CABIN1: variants seen among roughly 807,000 people sequenced by gnomAD.
CABIN1 encodes the protein calcineurin-binding protein cabin-1.
In CABIN1, 133 loss-of-function variants were observed where a neutral mutation model predicts 227.7. That is an observed-to-expected ratio of 0.58 (90% confidence interval 0.51 to 0.67). The LOEUF (loss-of-function observed/expected upper bound fraction) is 0.67. Ranked by LOEUF, CABIN1 falls within the 30% of genes least tolerant of loss-of-function variation. The pLI is 0.00. For synonymous variants in CABIN1, 1,086 were observed against 1,155.1 expected, an observed-to-expected ratio of 0.94 and a Z score of 1.21; for missense variants, 2,408 against 2,852.5, an observed-to-expected ratio of 0.84 and a Z score of 3.55.
chr22:24,063,726 T>A (rs1011685568), intron 14 of CABIN1, among the ~76,000 whole-genome samples: 1 of 152,146 alleles, frequency 6.6e-6, no homozygotes, highest in Non-Finnish European at 1.5e-5. Flanking sequence ...GTGAAGAACA[T>A]TAGTTCTGGA....
intron 26 of CABIN1, among the ~76,000 whole-genome samples, chr22:24,099,579 T>G (rs566848435): frequency 6.6e-6 from 1 of 152,328 alleles, no homozygotes; most frequent in South Asian, 2.1e-4. Context: ...CCTGTTAAGA[T>G]CCTCTCTCCC....
chr22:24,065,249 C>T (rs1338984414), intron 15 of CABIN1, among the ~76,000 whole-genome samples: 5 of 148,972 alleles, frequency 3.4e-5, no homozygotes, highest in East Asian at 4.1e-4. Context: ...ACTTCTCAGA[C>T]GGGGCGGCTG....
intron 29 of CABIN1, among the ~76,000 whole-genome samples, chr22:24,139,373 G>A (rs766291295): frequency 3.7e-4 from 57 of 152,146 alleles, no homozygotes; most frequent in Non-Finnish European, 5.0e-4. Context: ...TCAGAAGTTC[G>A]AGACCAGCCT....
chr22:24,020,615 C>T (rs941230987), intron 1 of CABIN1, among the ~76,000 whole-genome samples: 15 of 152,214 alleles, frequency 9.9e-5, no homozygotes, highest in South Asian at 4.2e-4. Flanking sequence ...CATGTCTGTC[C>T]GTTAGTATTT....
intron 34 of CABIN1, among the ~76,000 whole-genome samples, chr22:24,174,290 G>T (rs1446118178): frequency 6.6e-6 from 1 of 151,312 alleles, no homozygotes; most frequent in East Asian, 2.0e-4. Flanking sequence ...CACTACGCCT[G>T]GGTAATTTTT....
At chr22:24,065,870 G>A (rs1325181625) in intron 15 of CABIN1, among the ~76,000 whole-genome samples, 4 of 152,224 alleles carry the variant, frequency 2.6e-5, no homozygotes, top group Non-Finnish European at 5.9e-5. Flanking sequence ...CAGGCGTGGC[G>A]GCGCACGCCT....
At chr22:24,048,864 TC>T (rs1444370550) in intron 6 of CABIN1, among the ~76,000 whole-genome samples, 2 of 152,212 alleles carry the variant, frequency 1.3e-5, no homozygotes, top group Non-Finnish European at 2.9e-5. Flanking sequence ...TCCAAAAAGA[TC>T]CTACGGTCTG....
intron 28 of CABIN1, among the ~76,000 whole-genome samples, chr22:24,127,744 G>A (rs2043822014): frequency 6.6e-6 from 1 of 152,050 alleles, no homozygotes; most frequent in Non-Finnish European, 1.5e-5. Context: ...TCCTGCTTCT[G>A]TTCTGATTCT....
chr22:24,110,527 T>A lies in CABIN1; in HGVS notation c.4118-3039T>A, dbSNP rs78454363. 9.3e-3 allele frequency among the ~76,000 whole-genome samples: 1,410 copies of A among 152,366 alleles called. 15 individuals carry two copies. The highest frequency in any genetic ancestry group is 0.014 in the Non-Finnish European group (961 of 68,040). On this transcript the variant is annotated intron_variant, in intron 26 of 36. Transcript: ENST00000263119. ...CCATTTCTTTATGTAGATCCAAGTT[T>A]TATCTGGCTTCATATTCATTCTACC... is the stretch of plus-strand genomic sequence containing the variant.
intron 8 of CABIN1, among the ~76,000 whole-genome samples, chr22:24,051,779 ATCTC>A (rs949090567): frequency 1.3e-5 from 2 of 151,670 alleles, no homozygotes; most frequent in Admixed American, 1.3e-4. Context: ...GGAGAGCAAC[ATCTC>A]TCTCATAGGG....
intron 28 of CABIN1, 58 bp from the exon 29 acceptor site, chr22:24,134,244 C>T (rs1162017271): frequency 7.5e-7 from 1 of 1,341,600 alleles, no homozygotes; most frequent in Non-Finnish European, 1.1e-6. Context: ...CCTGCCTTCC[C>T]TGTGGGCGCC....
chr22:24,025,831 G>A (rs984369274), intron 1 of CABIN1, among the ~76,000 whole-genome samples: 4 of 151,954 alleles, frequency 2.6e-5, no homozygotes, highest in African/African-American at 7.3e-5. Context: ...GTGCCACCAC[G>A]CCCAGCTAAT....
Position 24,166,822 on chromosome 22 carries a change from C to T in CABIN1, c.5191C>T (p.Arg1731Trp), listed in dbSNP as rs146389146. 193 of 1,612,946 alleles carry T rather than the reference C, an allele frequency of 1.2e-4. No homozygotes were observed. Among genetic ancestry groups the T allele is most frequent in the Middle Eastern group, 1.6e-4 (1 of 6,082 alleles). ...PGGKVGLLNH[R>W]PVAMDAGDSA... ...AGGCAAAGTGGGCCTCCTCAACCAC[C>T]GGCCTGTGGCCATGGATGCAGGAGA... The change falls in exon 32 of 37, where the codon CGG (arginine) becomes TGG (tryptophan). Residue 1731 changes from arginine (R) to tryptophan (W), a missense_variant. This residue lies in a region of CABIN1 where 714 missense variants were observed against 773.8 expected (regional missense o/e 0.92). Coordinates refer to ENST00000263119, the MANE Select transcript of CABIN1 (RefSeq NM_012295.4).
chr22:24,108,141 A>G (rs1048061981), intron 26 of CABIN1, among the ~76,000 whole-genome samples: 2 of 152,210 alleles, frequency 1.3e-5, no homozygotes, highest in Admixed American at 1.3e-4. Context: ...TAGGAAGACA[A>G]TGGCAATCGT....
chr22:24,041,206 A>G lies in CABIN1; in HGVS notation c.278A>G (p.Tyr93Cys), dbSNP rs2037343024. ...GGGCTGATACTGAAATATTCCACTT[A>G]TAAGAACTTGGCCCAGCTGGCAGCC... ...HPGLILKYST[Y>C]KNLAQLAAQR... is the part of the protein sequence containing the mutation. Residue 93 changes from tyrosine to cysteine, a missense_variant, in exon 5 of 37, where the codon TAT (tyrosine) becomes TGT (cysteine). By Grantham distance (194) the Tyr-to-Cys change is radical (BLOSUM62 -2). Coordinates refer to ENST00000263119, the MANE Select transcript of CABIN1 (RefSeq NM_012295.4). 6.2e-7 allele frequency: 1 copy of G among 1,614,246 alleles called. No individual in the cohort carries two copies. Among genetic ancestry groups the G allele is most frequent in the Non-Finnish European group, 8.5e-7 (1 of 1,180,044 alleles).
intron 1 of CABIN1, among the ~76,000 whole-genome samples, chr22:24,015,998 A>AC (rs1486472958): frequency 1.3e-5 from 2 of 152,176 alleles, no homozygotes; most frequent in Non-Finnish European, 2.9e-5. Context: ...ATTGAGATAT[A>AC]ATTTACATAC....
chr22:24,083,112 A>C, intron 19 of CABIN1, 116 bp from the exon 20 acceptor site: 1 of 1,045,222 alleles, frequency 9.6e-7, no homozygotes, highest in Non-Finnish European at 1.5e-6. Flanking sequence ...CCCAACAGAC[A>C]TAGCCACCTC....
At chr22:24,017,433 CT>C (rs915777664) in intron 1 of CABIN1, among the ~76,000 whole-genome samples, 1 of 152,186 alleles carries the variant, frequency 6.6e-6, no homozygotes, top group Non-Finnish European at 1.5e-5. Context: ...ATCTCCGGAA[CT>C]TTTTTCATCT....
At chr22:24,092,417 A>G (rs900257871) in intron 24 of CABIN1, among the ~76,000 whole-genome samples, 1 of 152,202 alleles carries the variant, frequency 6.6e-6, no homozygotes, top group African/African-American at 2.4e-5. Flanking sequence ...ACTGTTGCTT[A>G]TAGCAGTCTT....
Sources: gnomAD v4.1 joint callset for allele counts (sites outside exome capture counted in the v4.1 genomes callset) on GRCh38, gnomAD v4.1.1 for gene constraint, gnomAD v4.1.1 regional missense constraint, MANE v1.5 for transcripts, NCBI Gene and HGNC (gene_info 2026-07-23, HGNC 2026-07-21) for gene names.